Variants in RANBP17 observed in about 807,000 individuals in gnomAD.
RANBP17 encodes the protein RAN binding protein 17.
Under a neutral mutation model 141.2 loss-of-function variants are expected in RANBP17, and 158 were observed. The observed-to-expected ratio is 1.12, with a 90% CI of 0.98 to 1.28. The LOEUF (loss-of-function observed/expected upper bound fraction) is 1.28, where lower values mean the gene tolerates loss of function less well. Ranked by LOEUF, RANBP17 falls within the 50% of genes most tolerant of loss-of-function variation. The probability of loss-of-function intolerance (pLI) is 0.00; values close to 1 mark genes in which losing one functional copy is unlikely to be tolerated. For missense variants in RANBP17, 1,438 were observed against 1,290.7 expected (o/e 1.11, Z -1.75); for synonymous variants, 430 against 450.0 (o/e 0.96, Z 0.56).
intron 14 of RANBP17, among the ~76,000 whole-genome samples, chr5:170,997,519 A>G (rs1778899688): frequency 6.6e-6 from 1 of 152,178 alleles, no homozygotes; most frequent in African/African-American, 2.4e-5. Context: ...TGTACTACCA[A>G]GGTTTGAGAG....
intron 11 of RANBP17, among the ~76,000 whole-genome samples, chr5:170,922,974 C>G (rs1772599620): frequency 6.6e-6 from 1 of 151,926 alleles, no homozygotes; most frequent in African/African-American, 2.4e-5. Flanking sequence ...TTTTCATTTT[C>G]TTAGCAGAGT....
In RANBP17 at chr5:171,199,665, G is replaced by C. The variant is rs185640922; in HGVS notation, c.2039-5G>C. ...ACCGTAGTGACCCTTTTGTTTCTCT[G>C]ATAGGTGAAGATGAGGATGAATTTG... On this transcript the variant is annotated splice_region_variant and splice_polypyrimidine_tract_variant and intron_variant, in intron 18 of 27. Transcript: ENST00000523189. 3.8e-6 allele frequency: 6 copies of C among 1,588,290 alleles called. No individual in the cohort carries two copies.
intron 14 of RANBP17, among the ~76,000 whole-genome samples, chr5:171,166,482 A>G (rs563309519): frequency 6.6e-6 from 1 of 152,112 alleles, no homozygotes; most frequent in Non-Finnish European, 1.5e-5. Flanking sequence ...CTTCCTTAAA[A>G]TAGATACTGC....
In RANBP17 at chr5:171,040,151, A is replaced by T. The variant is rs527581913; in HGVS notation, c.1710+71774A>T. Among the ~76,000 whole-genome samples the T allele has an allele frequency of 5.3e-5, 8 of 152,298 alleles. No individual in the cohort carries two copies. The East Asian group carries it at 1.5e-3, about 29-fold the overall frequency. ...ATACTAGCAATCCACATCTAGCATC[A>T]TATCAAAACGTTAGTTCACCATAAT... On this transcript the variant is annotated intron_variant, in intron 14 of 27. Transcript: ENST00000523189.
intron 12 of RANBP17, among the ~76,000 whole-genome samples, chr5:170,929,644 G>T (rs913375608): frequency 2.0e-5 from 3 of 152,090 alleles, no homozygotes; most frequent in Admixed American, 2.0e-4. Context: ...TTATATCAGT[G>T]TTTATGAAGG....
chr5:171,151,804 A>C (rs990751676), intron 14 of RANBP17, among the ~76,000 whole-genome samples: 1 of 152,174 alleles, frequency 6.6e-6, no homozygotes, highest in African/African-American at 2.4e-5. Context: ...TGCCACCTTG[A>C]CATTTCTTTT....
intron 13 of RANBP17, among the ~76,000 whole-genome samples, chr5:170,965,039 C>T (rs1177997669): frequency 3.3e-5 from 5 of 152,312 alleles, no homozygotes; most frequent in Admixed American, 1.3e-4. Context: ...TCCTATTTCT[C>T]CACATCCTCT....
At chr5:171,001,444 C>T (rs576126254) in intron 14 of RANBP17, among the ~76,000 whole-genome samples, 12 of 152,178 alleles carry the variant, frequency 7.9e-5, no homozygotes, top group South Asian at 2.1e-4. Context: ...GCTTGGTTGG[C>T]GACTTTCAAG....
chr5:171,110,641 C>T (rs1755157133), intron 14 of RANBP17, among the ~76,000 whole-genome samples: 1 of 152,102 alleles, frequency 6.6e-6, no homozygotes, highest in Non-Finnish European at 1.5e-5. Context: ...TACATGTATA[C>T]AGGAGCCTTG....
chr5:171,013,085 A>T (rs1228125387), intron 14 of RANBP17, among the ~76,000 whole-genome samples: 1 of 152,206 alleles, frequency 6.6e-6, no homozygotes, highest in Non-Finnish European at 1.5e-5. Flanking sequence ...GTGTATGTGT[A>T]CGTTCAGCTT....
intron 25 of RANBP17, among the ~76,000 whole-genome samples, chr5:171,288,982 T>G (rs1335855668): frequency 6.6e-6 from 1 of 152,266 alleles, no homozygotes; most frequent in African/African-American, 2.4e-5. Flanking sequence ...TTTTAAGTTT[T>G]AGTCATAGAT....
chr5:170,956,289 T>C (rs1775688328), intron 13 of RANBP17, among the ~76,000 whole-genome samples: 1 of 152,116 alleles, frequency 6.6e-6, no homozygotes, highest in Non-Finnish European at 1.5e-5. Flanking sequence ...CTACTTGTGA[T>C]ATTCTCCTTC....
At chr5:170,998,571 T>A (rs767902514) in intron 14 of RANBP17, among the ~76,000 whole-genome samples, 1 of 152,170 alleles carries the variant, frequency 6.6e-6, no homozygotes, top group Non-Finnish European at 1.5e-5. Context: ...CGTTAAGCCC[T>A]TCTCATTAAA....
chr5:170,877,656 A>G (rs1768300381), intron 1 of RANBP17, among the ~76,000 whole-genome samples: 1 of 152,186 alleles, frequency 6.6e-6, no homozygotes, highest in Admixed American at 6.5e-5. Flanking sequence ...CTCATCTGGT[A>G]TCTCCTTGCT....
intron 4 of RANBP17, 131 bp downstream of exon 4, chr5:170,892,684 C>T: frequency 4.5e-6 from 3 of 660,410 alleles, no homozygotes; most frequent in South Asian, 2.4e-5. Context: ...TATTATTTAT[C>T]CTCTGGATCC....
intron 13 of RANBP17, among the ~76,000 whole-genome samples, chr5:170,966,275 A>T (rs1269122923): frequency 1.3e-5 from 2 of 152,160 alleles, no homozygotes; most frequent in African/African-American, 2.4e-5. Flanking sequence ...CTTGATGAAC[A>T]TTGATGCAAA....
At chr5:171,082,867 C>T (rs1785342849) in intron 14 of RANBP17, among the ~76,000 whole-genome samples, 1 of 144,276 alleles carries the variant, frequency 6.9e-6, no homozygotes, top group African/African-American at 2.5e-5. Context: ...TGGGTATGAT[C>T]AGATGTAACC....
rs189255044 is a variant in RANBP17, at chr5:171,093,827, A to T, written c.1711-76303A>T. ...AAATCAAAGCTGGATATGAGCCAAG[A>T]TGATGAGTTGGAAAGATCCCTGGCT... is the stretch of plus-strand genomic sequence containing the variant. On this transcript the variant is annotated intron_variant, in intron 14 of 27. Transcript: ENST00000523189. Among the ~76,000 whole-genome samples the T allele has an allele frequency of 1.2e-4, 19 of 152,348 alleles. No individual in the cohort carries two copies. In the East Asian group the frequency reaches 3.7e-3, roughly 29 times the overall value.
intron 14 of RANBP17, among the ~76,000 whole-genome samples, chr5:171,036,044 T>C (rs1781863784): frequency 6.6e-6 from 1 of 152,082 alleles, no homozygotes; most frequent in Non-Finnish European, 1.5e-5. Flanking sequence ...AGGTGTGTTC[T>C]TCCATGCCCA....
Sources: allele counts gnomAD v4.1 joint callset (sites outside exome capture counted in the v4.1 genomes callset), GRCh38; gene constraint gnomAD v4.1.1; transcripts MANE v1.5; gene names NCBI Gene and HGNC (gene_info 2026-07-23, HGNC 2026-07-21).